The following CSMD2 variants were observed in gnomAD, a reference collection of about 807,000 sequenced individuals.
The protein encoded by CSMD2 is CUB and sushi domain-containing protein 2.
In CSMD2, 130 loss-of-function variants were observed where a neutral mutation model predicts 398.5. The ratio of observed to expected loss-of-function variants is 0.33; its 90% CI spans 0.28 to 0.38. The LOEUF (loss-of-function observed/expected upper bound fraction) is 0.38. Ranked by LOEUF, CSMD2 falls within the 10% of genes least tolerant of loss-of-function variation. The pLI, the probability that CSMD2 is intolerant of heterozygous loss-of-function variation, is 1.00. For synonymous variants in CSMD2, 1,828 were observed against 1,908.5 expected (o/e 0.96, Z 1.10); for missense variants, 3,829 against 4,764.9 (o/e 0.80, Z 5.78).
chr1:33,942,011 C>G (rs148025357), intron 3 of CSMD2, among the ~76,000 whole-genome samples: 2,099 of 152,136 alleles, frequency 0.014, 35 homozygotes, highest in Non-Finnish European at 0.016. Flanking sequence ...TTTTGTTCAA[C>G]GCTGTTTCTC....
chr1:33,736,896 A>T (rs1170469905), intron 15 of CSMD2, among the ~76,000 whole-genome samples: 1 of 152,260 alleles, frequency 6.6e-6, no homozygotes, highest in Non-Finnish European at 1.5e-5. Context: ...TAGAGACAGC[A>T]GGGAAGATCT....
chr1:34,066,404 A>G (rs1191268121), intron 2 of CSMD2, among the ~76,000 whole-genome samples: 1 of 152,050 alleles, frequency 6.6e-6, no homozygotes, highest in East Asian at 1.9e-4. Flanking sequence ...CCTCTCCCTC[A>G]GCGTTCCCTG....
chr1:33,649,913 C>G (rs1285522066), intron 28 of CSMD2, among the ~76,000 whole-genome samples: 2 of 152,120 alleles, frequency 1.3e-5, no homozygotes, highest in Non-Finnish European at 2.9e-5. Flanking sequence ...AGGCACGGGG[C>G]ACAGAGCCAG....
At chr1:34,005,482 T>C (rs1200730037) in intron 3 of CSMD2, among the ~76,000 whole-genome samples, 1 of 152,222 alleles carries the variant, frequency 6.6e-6, no homozygotes, top group Non-Finnish European at 1.5e-5. Context: ...TACTGCAGGC[T>C]CTACCACGCC....
rs146014963 is a variant in CSMD2, at chr1:33,540,581, G to A, written c.9575C>T (p.Ala3192Val). ...CCCATTTCCCTCACAGGTGAACACC[G>A]CGGGCAGGGAGAGCTGGTACCCCTC... ...CLEGYQLSLPAVFTCEGNGSW... is the reference protein window; with the variant it reads ...CLEGYQLSLPVVFTCEGNGSW... The change falls in exon 60 of 71, where the codon GCG (alanine) becomes GTG (valine). Residue 3192 changes from alanine to valine, a missense_variant. Physicochemically the swap from Ala to Val is moderately conservative, Grantham distance 64 (BLOSUM62 0). Transcript: ENST00000373381. 9.9e-6 allele frequency: 16 copies of A among 1,614,064 alleles called. No homozygotes were observed. Among genetic ancestry groups the A allele is most frequent in the Middle Eastern group, 1.6e-4 (1 of 6,084 alleles).
Position 33,605,344 on chromosome 1 carries a change from G to C in CSMD2, c.6470C>G (p.Pro2157Arg), listed in dbSNP as rs1391875028. 6.2e-7 allele frequency: 1 copy of C among 1,614,220 alleles called. No individual in the cohort carries two copies. Among genetic ancestry groups the C allele is most frequent in the Non-Finnish European group, 8.5e-7 (1 of 1,180,038 alleles). The change falls in exon 42 of 71, where the codon CCT becomes CGT. Residue 2157 changes from proline (P) to arginine (R), a missense_variant. Coordinates refer to ENST00000373381, the MANE Select transcript of CSMD2 (RefSeq NM_001281956.2). ...CLPGYQLTGH[P>R]VLTCQHGTNR... Reference sequence around the variant, plus strand: ...GGTGCCATGTTGACACGTGAGGACAGGGTGGCCAGTCAATTGATACCCCGG... The same window carrying C: ...GGTGCCATGTTGACACGTGAGGACACGGTGGCCAGTCAATTGATACCCCGG...
At chr1:34,006,485 A>G (rs1418914773) in intron 3 of CSMD2, among the ~76,000 whole-genome samples, 2 of 152,170 alleles carry the variant, frequency 1.3e-5, no homozygotes, top group Non-Finnish European at 2.9e-5. Context: ...GAACTTCTCT[A>G]GAGTATAAAT....
chr1:33,854,732 A>G (rs1376910939), intron 5 of CSMD2, among the ~76,000 whole-genome samples: 2 of 152,252 alleles, frequency 1.3e-5, no homozygotes, highest in Non-Finnish European at 2.9e-5. Flanking sequence ...TTTCTTGCTC[A>G]GCTAATTGTT....
intron 1 of CSMD2, among the ~76,000 whole-genome samples, chr1:34,154,748 G>A (rs1393403446): frequency 8.8e-6 from 1 of 113,108 alleles, no homozygotes; most frequent in Non-Finnish European, 1.7e-5. Flanking sequence ...TTTTTTTTGA[G>A]ATGGAGTCTT....
intron 3 of CSMD2, among the ~76,000 whole-genome samples, chr1:33,989,023 T>TCC: frequency 1.5e-4 from 1 of 6,636 alleles, no homozygotes; most frequent in Non-Finnish European, 3.3e-4. Context: ...CATATATATA[T>TCC]ATATATATAT....
intron 10 of CSMD2, among the ~76,000 whole-genome samples, chr1:33,805,912 A>C (rs1325244): frequency 0.12 from 17,603 of 151,976 alleles, 1,218 homozygotes; most frequent in East Asian, 0.27. Context: ...TTGTTACAGT[A>C]GCCTGAGTAG....
intron 6 of CSMD2, chr1:33,838,628 T>C (rs1660551015): frequency 6.6e-6 from 1 of 152,226 alleles, no homozygotes; most frequent in Admixed American, 6.5e-5. Context: ...GTGCACATGC[T>C]TGAGACCTAA....
rs556310837 is a variant in CSMD2 at position 33,767,847 on chromosome 1, G to T, written c.1846+4722C>A. Among the ~76,000 whole-genome samples, 21 of 152,220 alleles carry T rather than the reference G, an allele frequency of 1.4e-4. No homozygotes were observed. In the South Asian group the frequency reaches 3.5e-3, roughly 26 times the overall value. On this transcript the variant is annotated intron_variant, in intron 13 of 70. Coordinates refer to ENST00000373381, the MANE Select transcript of CSMD2 (RefSeq NM_001281956.2). ...TCTGGCCTAGTATTTTTATCCTAAG[G>T]CTTCCTTGTCCTTACATTTGCAGAT...
intron 44 of CSMD2, chr1:33,592,539 T>C: frequency 1.4e-6 from 1 of 717,088 alleles, no homozygotes. Context: ...CACCACAAAG[T>C]GATTGGAATG....
intron 13 of CSMD2, among the ~76,000 whole-genome samples, chr1:33,768,535 C>CGTGT (rs1557864391): frequency 1.0e-4 from 12 of 114,504 alleles, no homozygotes; most frequent in Non-Finnish European, 1.6e-4. Context: ...TGTGTGCGTG[C>CGTGT]ATGTGTGTGT....
In CSMD2 at chr1:33,516,439, C is replaced by CTGGCAT. The variant is rs1653770160; in HGVS notation, c.*184_*185insATGCCA. On this transcript the variant is annotated 3_prime_UTR_variant, in exon 71 of 71. Transcript: ENST00000373381. ...TTCAGGACACGGCAGGAGTCCTCTC[C>CTGGCAT]AGGGTAACTGGCATAGATGGCGGCA... 1.3e-5 allele frequency: 2 copies of CTGGCAT among 152,300 alleles called. No individual in the cohort carries two copies. Among genetic ancestry groups the CTGGCAT allele is most frequent in the Non-Finnish European group, 2.9e-5 (2 of 68,102 alleles). 9.4% of individuals were successfully genotyped at this position (152,300 alleles called of 1,614,324 possible). A position where few individuals can be genotyped will look rare whatever the true frequency, so the allele number is the denominator to read the frequency against.
chr1:33,570,380 G>A (rs1008280253), intron 51 of CSMD2, among the ~76,000 whole-genome samples: 5 of 149,522 alleles, frequency 3.3e-5, no homozygotes, highest in Admixed American at 2.0e-4. Flanking sequence ...CACCATGTCG[G>A]CCAGGCTGGT....
In CSMD2 at chr1:33,859,961, A is replaced by T. The variant is rs993427323; in HGVS notation, c.921-12965T>A. The stretch of plus-strand genomic sequence containing the variant: ...CTATCAACTGGAAAGATTTTTCTTT[A>T]AAAAAATGTTATTTTGAAATAAGAG... On this transcript the variant is annotated intron_variant, in intron 5 of 70. Transcript: ENST00000373381. 9.9e-5 allele frequency among the ~76,000 whole-genome samples: 15 copies of T among 152,112 alleles called. 1 individual carries two copies. The highest frequency in any genetic ancestry group is 3.3e-4 in the Admixed American group (5 of 15,272).
rs373932614 is a variant in CSMD2, at chr1:33,515,573, T to C, written c.*1051A>G. The C allele has an allele frequency of 4.6e-5, 7 of 152,338 alleles. No individual in the cohort carries two copies. The East Asian group carries it at 9.6e-4, about 21-fold the overall frequency. 9.4% of individuals were successfully genotyped at this position (152,338 alleles called of 1,614,324 possible). A position where few individuals can be genotyped will look rare whatever the true frequency, so the allele number is the denominator to read the frequency against. On this transcript the variant is annotated 3_prime_UTR_variant, in exon 71 of 71. Coordinates refer to ENST00000373381, the MANE Select transcript of CSMD2 (RefSeq NM_001281956.2). ...TTGCAGGCTTCTGTTTTCTCATCTG[T>C]CAAAGGGGAATAACAAATCCTACAT...
Sources: allele counts gnomAD v4.1 joint callset (sites outside exome capture counted in the v4.1 genomes callset), GRCh38; gene constraint gnomAD v4.1.1; transcripts MANE v1.5; gene names NCBI Gene and HGNC (gene_info 2026-07-23, HGNC 2026-07-21).